ARFGEF1: variants seen among roughly 807,000 people sequenced by gnomAD.
The protein encoded by ARFGEF1 is ARF guanine nucleotide exchange factor 1, also known as brefeldin A-inhibited guanine nucleotide-exchange protein 1.
Under a neutral mutation model 231.0 loss-of-function variants are expected in ARFGEF1, and 42 were observed. The observed-to-expected ratio is 0.18, with a 90% CI of 0.14 to 0.24. The LOEUF is 0.24. Among genes scored for constraint, ARFGEF1 ranks in the 10% least tolerant of loss-of-function variants. ARFGEF1 has a pLI of 1.00. For synonymous variants in ARFGEF1, 710 were observed against 732.3 expected (o/e 0.97, Z 0.49); for missense variants, 1,345 against 2,192.0 (o/e 0.61, Z 7.72).
chr8:67,263,301 G>T (rs1354004651), intron 14 of ARFGEF1, among the ~76,000 whole-genome samples: 1 of 152,012 alleles, frequency 6.6e-6, no homozygotes, highest in Non-Finnish European at 1.5e-5. Flanking sequence ...TTGGGCTATT[G>T]CAAGAGTTCT....
chr8:67,295,077 C>T (rs190697916), intron 5 of ARFGEF1, among the ~76,000 whole-genome samples: 2 of 152,048 alleles, frequency 1.3e-5, no homozygotes, highest in Admixed American at 6.6e-5. Context: ...ACATTACAAC[C>T]ATAAAATAAA....
chr8:67,201,355 G>A (rs1056688238), intron 37 of ARFGEF1, 112 bp downstream of exon 37: 34 of 1,325,096 alleles, frequency 2.6e-5, no homozygotes, highest in Non-Finnish European at 3.4e-5. Flanking sequence ...TGTGGAATAG[G>A]GGCATCCAGG....
rs186916083 is a variant in ARFGEF1, at chr8:67,340,947, C to T, written c.124+2217G>A. ...CGCTATAGGCCCTCTAAAGATGATG[C>T]TCATGAGTGGTAGGGAATACCCAAT... On this transcript the variant is annotated intron_variant, in intron 1 of 38. Coordinates refer to ENST00000262215, the MANE Select transcript of ARFGEF1 (RefSeq NM_006421.5). Among the ~76,000 whole-genome samples the T allele has an allele frequency of 9.9e-5, 15 of 152,280 alleles. No homozygotes were observed. In the East Asian group the frequency reaches 2.1e-3, roughly 22 times the overall value.
intron 38 of ARFGEF1, 33 bp from the exon 39 acceptor site, chr8:67,199,131 G>A: frequency 1.3e-6 from 2 of 1,592,464 alleles, no homozygotes; most frequent in Non-Finnish European, 1.7e-6. Context: ...CATTAGTAGT[G>A]ATTGCAAACT....
At chr8:67,264,658 T>C (rs1804775976) in intron 14 of ARFGEF1, among the ~76,000 whole-genome samples, 1 of 152,092 alleles carries the variant, frequency 6.6e-6, no homozygotes, top group Non-Finnish European at 1.5e-5. Context: ...ATGAAACAGT[T>C]GTAGACAAGT....
At chr8:67,268,674 G>A (rs1804946997) in intron 10 of ARFGEF1, among the ~76,000 whole-genome samples, 2 of 152,206 alleles carry the variant, frequency 1.3e-5, no homozygotes, top group South Asian at 4.1e-4. Flanking sequence ...AAGAAGCTGT[G>A]TGCAGTTTCT....
Position 67,254,512 on chromosome 8 carries a change from T to G in ARFGEF1, c.2527-890A>C, listed in dbSNP as rs143046285. ...TACATGAAAGTACACAGAAAAACAA[T>G]CAAGCAAGTCATCAGAAGCTTGCAA... On this transcript the variant is annotated intron_variant, in intron 17 of 38. Transcript: ENST00000262215. Among the ~76,000 whole-genome samples the G allele has an allele frequency of 3.1e-3, 475 of 152,142 alleles. 5 individuals are homozygous for G. The highest frequency in any genetic ancestry group is 0.014 in the Middle Eastern group (4 of 294).
At chr8:67,324,084 A>C (rs1807718532) in intron 1 of ARFGEF1, among the ~76,000 whole-genome samples, 1 of 152,194 alleles carries the variant, frequency 6.6e-6, no homozygotes, top group African/African-American at 2.4e-5. Flanking sequence ...TACAGGCGTG[A>C]GCCACCGCAG....
Position 67,311,354 on chromosome 8 carries a change from C to T in ARFGEF1, c.125-8888G>A, listed in dbSNP as rs1335406746. Among the ~76,000 whole-genome samples, 10 of 131,262 alleles carry T rather than the reference C, an allele frequency of 7.6e-5. No individual in the cohort carries two copies. The East Asian group carries it at 1.7e-3, about 22-fold the overall frequency. The allele number at this position is 131,262 out of a possible 152,430, so 86.1% of individuals were successfully genotyped here. A position where few individuals can be genotyped will look rare whatever the true frequency, so the allele number is the denominator to read the frequency against. ...GAGGTGAGGGGCGCCTCTGCCCGGCCGCCCCTACTGGGAAGTGAGGAGCCC... is the reference window on the plus strand; with the variant it reads ...GAGGTGAGGGGCGCCTCTGCCCGGCTGCCCCTACTGGGAAGTGAGGAGCCC... On this transcript the variant is annotated intron_variant, in intron 1 of 38. Transcript: ENST00000262215.
At chr8:67,211,187 T>C (rs1394625545) in intron 34 of ARFGEF1, among the ~76,000 whole-genome samples, 1 of 150,294 alleles carries the variant, frequency 6.7e-6, no homozygotes, top group East Asian at 2.0e-4. Context: ...CGACTAAAAA[T>C]ACAAAAATTA....
At chr8:67,223,112 G>A (rs1008759343) in intron 29 of ARFGEF1, among the ~76,000 whole-genome samples, 25 of 152,094 alleles carry the variant, frequency 1.6e-4, no homozygotes, top group Admixed American at 9.8e-4. Flanking sequence ...TTTAATTTTC[G>A]GTATTTATCC....
At chr8:67,252,845 C>T (rs992381215) in intron 18 of ARFGEF1, among the ~76,000 whole-genome samples, 10 of 152,166 alleles carry the variant, frequency 6.6e-5, no homozygotes, top group Admixed American at 2.0e-4. Flanking sequence ...TAAACCTCCC[C>T]ACCTCCTCCA....
At chr8:67,214,904 G>A (rs879833916) in intron 33 of ARFGEF1, among the ~76,000 whole-genome samples, 19 of 152,210 alleles carry the variant, frequency 1.2e-4, no homozygotes, top group African/African-American at 4.6e-4. Context: ...AAGAACAACT[G>A]AGAGTGTAGG....
At chr8:67,190,734 G>A (rs1466195356) in intron 5 of ARFGEF1, 2 of 1,612,712 alleles carry the variant, frequency 1.2e-6, no homozygotes, top group Admixed American at 1.7e-5. Flanking sequence ...GAGCGCAGGA[G>A]GAACAAATGG....
chr8:67,343,359 G>A lies in ARFGEF1; in HGVS notation c.-72C>T. 16 of 1,514,942 alleles carry A rather than the reference G, an allele frequency of 1.1e-5. No individual in the cohort carries two copies. The highest frequency in any genetic ancestry group is 1.4e-5 in the African/African-American group (1 of 72,524). 93.8% of individuals were successfully genotyped at this position (1,514,942 alleles called of 1,614,324 possible). A position where few individuals can be genotyped will look rare whatever the true frequency, so the allele number is the denominator to read the frequency against. ...CGGCTGGAGGGGAGGAGGAGGAGAG[G>A]AAGGAAGAGAAGAGAGAAAGGAGAG... On this transcript the variant is annotated 5_prime_UTR_variant, in exon 1 of 39. Transcript: ENST00000262215.
At chr8:67,225,780 A>G (rs1839352341) in intron 28 of ARFGEF1, among the ~76,000 whole-genome samples, 1 of 152,160 alleles carries the variant, frequency 6.6e-6, no homozygotes, top group Non-Finnish European at 1.5e-5. Context: ...CTACCCCATA[A>G]AGCCATTAGA....
At chr8:67,268,106 G>A (rs1804923691) in intron 10 of ARFGEF1, among the ~76,000 whole-genome samples, 1 of 152,156 alleles carries the variant, frequency 6.6e-6, no homozygotes, top group African/African-American at 2.4e-5. Flanking sequence ...CTTTAAGAAG[G>A]AATGACTGAA....
chr8:67,249,984 G>A (rs1423590985), intron 19 of ARFGEF1, among the ~76,000 whole-genome samples: 1 of 152,216 alleles, frequency 6.6e-6, no homozygotes, highest in Non-Finnish European at 1.5e-5. Context: ...TCTAGACAAA[G>A]GACATACCTC....
rs539822467 is a variant in ARFGEF1 at position 67,198,768 on chromosome 8, A to G, written c.*166T>C. The G allele has an allele frequency of 9.3e-5, 131 of 1,410,460 alleles. No individual in the cohort carries two copies. In the Admixed American group the frequency reaches 9.9e-4, roughly 11 times the overall value. The allele number at this position is 1,410,460 out of a possible 1,614,324, so 87.4% of individuals were successfully genotyped here. A position where few individuals can be genotyped will look rare whatever the true frequency, so the allele number is the denominator to read the frequency against. ...ATAACACACAAAATCCACCAGCACT[A>G]AAAGGGACTGGAGTGTTGCAAGTTT... is the stretch of plus-strand genomic sequence containing the variant. On this transcript the variant is annotated 3_prime_UTR_variant, in exon 39 of 39. Coordinates refer to ENST00000262215, the MANE Select transcript of ARFGEF1 (RefSeq NM_006421.5).
Sources: allele counts gnomAD v4.1 joint callset (sites outside exome capture counted in the v4.1 genomes callset), GRCh38; gene constraint gnomAD v4.1.1; transcripts MANE v1.5; gene names NCBI Gene and HGNC (gene_info 2026-07-23, HGNC 2026-07-21).